The following PCDHA8 variants were observed in gnomAD, a reference collection of about 807,000 sequenced individuals.
The protein encoded by PCDHA8 is protocadherin alpha 8, also known as protocadherin alpha-8.
In PCDHA8, 53 loss-of-function variants were observed where a neutral mutation model predicts 61.8. The ratio of observed to expected loss-of-function variants is 0.86; its 90% CI spans 0.69 to 1.08. The LOEUF (loss-of-function observed/expected upper bound fraction) is 1.08, where lower values mean the gene tolerates loss of function less well. PCDHA8 is among the 50% of genes least tolerant of loss of function. The pLI is 0.00. For missense variants in PCDHA8, 1,293 were observed against 1,245.0 expected (o/e 1.04, Z -0.58); for synonymous variants, 618 against 556.6 (o/e 1.11, Z -1.55).
At chr5:140,927,906 C>G (rs116016831) in intron 1 of PCDHA8, 1 of 1,614,180 alleles carries the variant, frequency 6.2e-7, no homozygotes, top group Non-Finnish European at 8.5e-7. Flanking sequence ...ATCATGCCCC[C>G]GAACTGGACT....
Position 141,010,924 on chromosome 5 carries a change from T to G in PCDHA8, c.*987T>G, listed in dbSNP as rs1016736721. 1 of 153,778 alleles carries G rather than the reference T, an allele frequency of 6.5e-6. No homozygotes were observed. Among genetic ancestry groups the G allele is most frequent in the Non-Finnish European group, 1.5e-5 (1 of 68,046 alleles). 9.5% of individuals were successfully genotyped at this position (153,778 alleles called of 1,614,324 possible). A position where few individuals can be genotyped will look rare whatever the true frequency, so the allele number is the denominator to read the frequency against. Reference sequence around the variant, plus strand: ...CCCCTAAACTCTCCTCAAAAGAGAATTCAGTCTACAGCCATTTAAATGATC... The same window carrying G: ...CCCCTAAACTCTCCTCAAAAGAGAAGTCAGTCTACAGCCATTTAAATGATC... On this transcript the variant is annotated 3_prime_UTR_variant, in exon 4 of 4. Transcript: ENST00000531613.
Position 140,848,175 on chromosome 5 carries a change from A to C in PCDHA8, c.2394+4460A>C, listed in dbSNP as rs1003138626. The C allele has an allele frequency of 1.1e-4, 28 of 264,776 alleles. 3 individuals are homozygous for C. The highest frequency in any genetic ancestry group is 1.8e-4 in the Non-Finnish European group (25 of 138,828). 16.4% of individuals were successfully genotyped at this position (264,776 alleles called of 1,614,324 possible). On this transcript the variant is annotated intron_variant, in intron 1 of 3. Transcript: ENST00000531613. ...AGTCTGCTAAGAAGGCTCCAGCAAG[A>C]GAAACGGGATCTTCTGTTTCAACAA...
rs189730532 is a variant in PCDHA8, at chr5:140,870,328, G to T, written c.2394+26613G>T. 1.5e-5 allele frequency: 24 copies of T among 1,614,208 alleles called. 2 individuals carry two copies. In the East Asian group the frequency reaches 4.7e-4, roughly 31 times the overall value. Reference sequence around the variant, plus strand: ...CAAGAATTACTACTCGTTGGTGCTGGACAGCGCCCTGGACCGCGAGAACGT... The same window carrying T: ...CAAGAATTACTACTCGTTGGTGCTGTACAGCGCCCTGGACCGCGAGAACGT... On this transcript the variant is annotated intron_variant, in intron 1 of 3. Transcript: ENST00000531613.
chr5:140,957,438 A>T (rs1554222966), intron 1 of PCDHA8, among the ~76,000 whole-genome samples: 1 of 152,216 alleles, frequency 6.6e-6, no homozygotes, highest in Non-Finnish European at 1.5e-5. Context: ...TGCCTAATTT[A>T]TAAATCACAC....
At chr5:141,001,683 C>T (rs1042436989) in intron 3 of PCDHA8, among the ~76,000 whole-genome samples, 1 of 152,030 alleles carries the variant, frequency 6.6e-6, no homozygotes, top group Non-Finnish European at 1.5e-5. Flanking sequence ...TCCAACAAAC[C>T]CCACAGATGG....
In PCDHA8 at chr5:140,982,326, G is replaced by T. The variant is rs1369721700; in HGVS notation, c.2454-149G>T. 1.6e-5 allele frequency: 22 copies of T among 1,411,958 alleles called. No homozygotes were observed. In the Admixed American group the frequency reaches 3.0e-4, roughly 20 times the overall value. The allele number at this position is 1,411,958 out of a possible 1,614,324, so 87.5% of individuals were successfully genotyped here. On this transcript the variant is annotated intron_variant, in intron 2 of 3. Transcript: ENST00000531613. ...CTTCTGCAGTTTATGCAGGGTGACTGCTCAGCAGTAATTGCTTCAGTTCAA... is the reference window on the plus strand; with the variant it reads ...CTTCTGCAGTTTATGCAGGGTGACTTCTCAGCAGTAATTGCTTCAGTTCAA...
chr5:140,998,158 T>C (rs1306702034), intron 3 of PCDHA8, among the ~76,000 whole-genome samples: 1 of 152,232 alleles, frequency 6.6e-6, no homozygotes, highest in Non-Finnish European at 1.5e-5. Context: ...AGTTAAGCCA[T>C]GTGCCAAGTA....
At chr5:140,860,395 G>C (rs1369632482) in intron 1 of PCDHA8, 2 of 151,922 alleles carry the variant, frequency 1.3e-5, no homozygotes, top group African/African-American at 4.8e-5. Context: ...ATTGAAAAAA[G>C]CAAAAGCAAT....
chr5:141,006,405 C>T (rs782532612), intron 3 of PCDHA8, among the ~76,000 whole-genome samples: 28 of 151,916 alleles, frequency 1.8e-4, no homozygotes, highest in Middle Eastern at 6.8e-3. Context: ...AGTAGAGACG[C>T]GGTTTCACTG....
At chr5:140,971,987 G>A (rs1246433962) in intron 1 of PCDHA8, among the ~76,000 whole-genome samples, 1 of 152,086 alleles carries the variant, frequency 6.6e-6, no homozygotes, top group Non-Finnish European at 1.5e-5. Context: ...GTAGACAGAA[G>A]TTCCAATGTT....
At chr5:140,999,836 A>G (rs1554257003) in intron 3 of PCDHA8, among the ~76,000 whole-genome samples, 1 of 152,210 alleles carries the variant, frequency 6.6e-6, no homozygotes, top group African/African-American at 2.4e-5. Flanking sequence ...AAAATATGCC[A>G]AGTGTATTTA....
intron 1 of PCDHA8, among the ~76,000 whole-genome samples, chr5:140,940,458 C>T (rs1041159084): frequency 4.0e-5 from 6 of 151,806 alleles, no homozygotes; most frequent in African/African-American, 1.5e-4. Context: ...TTATAGGTTT[C>T]TGTTCCCTGC....
chr5:140,938,679 T>C (rs574212689), intron 1 of PCDHA8, among the ~76,000 whole-genome samples: 1 of 152,302 alleles, frequency 6.6e-6, no homozygotes, highest in South Asian at 2.1e-4. Flanking sequence ...CCTAACATTT[T>C]CTTTACAGTT....
At chr5:140,958,652 G>A (rs991773774) in intron 1 of PCDHA8, among the ~76,000 whole-genome samples, 15 of 152,030 alleles carry the variant, frequency 9.9e-5, no homozygotes, top group Admixed American at 2.6e-4. Flanking sequence ...ATCACAGAAA[G>A]CTATGATGAA....
intron 1 of PCDHA8, chr5:140,853,993 T>A (rs2042933293): frequency 8.2e-6 from 4 of 486,194 alleles, no homozygotes; most frequent in Admixed American, 6.7e-5. Context: ...GTGAGACTCA[T>A]CTCTGCCAAA....
intron 1 of PCDHA8, among the ~76,000 whole-genome samples, chr5:140,906,909 G>A (rs1477484139): frequency 1.3e-5 from 2 of 152,174 alleles, no homozygotes; most frequent in Admixed American, 6.5e-5. Flanking sequence ...TTAAAGGTAG[G>A]AGGAGCCCAA....
At chr5:140,968,634 A>T (rs782166097) in intron 1 of PCDHA8, 7 of 1,614,176 alleles carry the variant, frequency 4.3e-6, no homozygotes, top group Non-Finnish European at 5.9e-6. Flanking sequence ...CTTTTTTACC[A>T]TCTAGCCCAG....
intron 1 of PCDHA8, among the ~76,000 whole-genome samples, chr5:140,905,180 TAA>T (rs2071657008): frequency 6.6e-6 from 1 of 152,224 alleles, no homozygotes; most frequent in Non-Finnish European, 1.5e-5. Flanking sequence ...GTTTTAGATT[TAA>T]GTCTTTGATC....
chr5:140,924,768 G>C lies in PCDHA8; in HGVS notation c.2395-54181G>C, dbSNP rs562954470. ...AAATTAACCGAGCATGGTGGTGCGCGCTTGTAGTCCTAGCTACTTAGGAGG... is the reference window on the plus strand; with the variant it reads ...AAATTAACCGAGCATGGTGGTGCGCCCTTGTAGTCCTAGCTACTTAGGAGG... On this transcript the variant is annotated intron_variant, in intron 1 of 3. Coordinates refer to ENST00000531613, the MANE Select transcript of PCDHA8 (RefSeq NM_018911.3). Among the ~76,000 whole-genome samples the C allele has an allele frequency of 3.9e-3, 597 of 151,896 alleles. 3 individuals are homozygous for C. The highest frequency in any genetic ancestry group is 0.014 in the African/African-American group (579 of 41,424).
Sources: gnomAD v4.1 joint callset for allele counts (sites outside exome capture counted in the v4.1 genomes callset) on GRCh38, gnomAD v4.1.1 for gene constraint, MANE v1.5 for transcripts, NCBI Gene and HGNC (gene_info 2026-07-23, HGNC 2026-07-21) for gene names.